Variants in DSCAML1 observed in about 807,000 individuals in gnomAD.
The protein encoded by DSCAML1 is cell adhesion molecule DSCAML1.
In DSCAML1, 38 loss-of-function variants were observed where a neutral mutation model predicts 200.5. The ratio of observed to expected loss-of-function variants is 0.19; its 90% CI spans 0.15 to 0.25. The LOEUF is 0.25. DSCAML1 is among the 10% of genes least tolerant of loss of function. The pLI, the probability that DSCAML1 is intolerant of heterozygous loss-of-function variation, is 1.00. For missense variants in DSCAML1, 2,223 were observed against 2,858.8 expected (o/e 0.78, Z 5.07); for synonymous variants, 1,215 against 1,165.0 (o/e 1.04, Z -0.87).
At chr11:117,610,548 C>T (rs553217198) in intron 3 of DSCAML1, among the ~76,000 whole-genome samples, 7 of 152,128 alleles carry the variant, frequency 4.6e-5, no homozygotes, top group Non-Finnish European at 7.4e-5. Context: ...TGAGAACAGA[C>T]GGTGGGGAGG....
chr11:117,739,141 C>A (rs1282552304), intron 3 of DSCAML1, among the ~76,000 whole-genome samples: 1 of 152,122 alleles, frequency 6.6e-6, no homozygotes, highest in Non-Finnish European at 1.5e-5. Flanking sequence ...AGAAAGAAAA[C>A]TAAGCCTCAG....
intron 3 of DSCAML1, among the ~76,000 whole-genome samples, chr11:117,738,184 CA>C (rs1333111512): frequency 6.6e-6 from 1 of 152,142 alleles, no homozygotes; most frequent in East Asian, 1.9e-4. Flanking sequence ...TTTCAAATGG[CA>C]CCAATTCATT....
intron 3 of DSCAML1, among the ~76,000 whole-genome samples, chr11:117,625,303 C>G (rs1333989408): frequency 6.6e-6 from 1 of 152,120 alleles, no homozygotes; most frequent in East Asian, 1.9e-4. Flanking sequence ...ACCTGCAGCT[C>G]CTTCGCAGGG....
chr11:117,608,634 A>G (rs2137525428), intron 3 of DSCAML1, among the ~76,000 whole-genome samples: 1 of 152,372 alleles, frequency 6.6e-6, no homozygotes, highest in South Asian at 2.1e-4. Flanking sequence ...ATGTATTTAA[A>G]TAATTCCCCA....
At chr11:117,466,625 C>T (rs1272670364) in intron 16 of DSCAML1, among the ~76,000 whole-genome samples, 2 of 152,056 alleles carry the variant, frequency 1.3e-5, no homozygotes, top group Non-Finnish European at 2.9e-5. Flanking sequence ...CGCTTGAACC[C>T]GGGAGGCGGA....
In DSCAML1 at chr11:117,518,562, C is replaced by T. The variant is rs748297167; in HGVS notation, c.1414G>A (p.Val472Ile). The T allele has an allele frequency of 8.7e-6, 14 of 1,614,064 alleles. No homozygotes were observed. The East Asian group carries it at 1.3e-4, about 15-fold the overall frequency. ...CCGTCGCGGATCTGGGGGCCTGTGA[C>T]GTTCATGTGGCTGATGGTGGTGCCG... ...SDGTTISHMN[V>I]TGPQIRDGGV... The change falls in exon 7 of 33, where the codon GTC (valine) becomes ATC (isoleucine). Residue 472 changes from valine (V) to isoleucine (I), a missense_variant. Val to Ile is a conservative substitution (Grantham distance 29, BLOSUM62 3). Transcript: ENST00000651296. The surrounding 1 kb of genome is among the most constrained non-coding windows in gnomAD (Gnocchi z 6.3).
At position 117,780,900 on chromosome 11, in the gene DSCAML1, T is replaced by C. The variant is rs980176755; in HGVS notation, c.47-90A>G. The stretch of plus-strand genomic sequence containing the variant: ...GGAGGCTTGCGACAGGCTGCACTCA[T>C]TCACCTGACCTTCAAGCATCAGTCA... On this transcript the variant is annotated intron_variant, in intron 1 of 32. Transcript: ENST00000651296. The surrounding 1 kb of genome is among the most constrained non-coding windows in gnomAD (Gnocchi z 4.8). 2 of 1,056,182 alleles carry C rather than the reference T, an allele frequency of 1.9e-6. No homozygotes were observed. Among genetic ancestry groups the C allele is most frequent in the African/African-American group, 3.3e-5 (2 of 60,816 alleles). The allele number at this position is 1,056,182 out of a possible 1,614,324, so 65.4% of individuals were successfully genotyped here. A position where few individuals can be genotyped will look rare whatever the true frequency, so the allele number is the denominator to read the frequency against.
intron 6 of DSCAML1, among the ~76,000 whole-genome samples, chr11:117,520,868 T>G (rs1238812920): frequency 6.6e-6 from 1 of 152,088 alleles, no homozygotes. Context: ...AGGTTGAGGC[T>G]GCAGTGAGCT....
chr11:117,505,471 C>T lies in DSCAML1; in HGVS notation c.2045G>A (p.Arg682His), dbSNP rs1186138513. The T allele has an allele frequency of 1.2e-6, 2 of 1,611,004 alleles. No individual in the cohort carries two copies. Among genetic ancestry groups the T allele is most frequent in the Admixed American group, 1.7e-5 (1 of 60,002 alleles). The change falls in exon 9 of 33, where the codon CGC becomes CAC. Residue 682 changes from arginine to histidine, a missense_variant. Around this residue, in one of 7 missense-constraint regions of DSCAML1, gnomAD observed 212 missense variants for 368.0 expected, o/e 0.58. Coordinates refer to ENST00000651296, the MANE Select transcript of DSCAML1 (RefSeq NM_020693.4). This position sits in a 1 kb window ranked among gnomAD's most constrained non-coding sequence, Gnocchi z 6.7. ...SNAAATVSRE[R>H]QLIVRVPPRF... ...CTGCTCACCACGCACGATGAGCTGG[C>T]GCTCCCGGCTCACGGTGGCGGCTGC...
intron 19 of DSCAML1, among the ~76,000 whole-genome samples, chr11:117,454,922 G>C (rs1565696055): frequency 6.6e-6 from 1 of 152,218 alleles, no homozygotes; most frequent in African/African-American, 2.4e-5. Flanking sequence ...TCACCAGACA[G>C]ACCCCCACAT....
intron 3 of DSCAML1, among the ~76,000 whole-genome samples, chr11:117,745,536 C>T (rs2054503294): frequency 6.6e-6 from 1 of 152,166 alleles, no homozygotes; most frequent in South Asian, 2.1e-4. Context: ...CCTAGTCTCA[C>T]CGACCTACAG....
intron 3 of DSCAML1, among the ~76,000 whole-genome samples, chr11:117,537,632 T>C (rs2050193644): frequency 6.6e-6 from 1 of 152,128 alleles, no homozygotes; most frequent in East Asian, 1.9e-4. Flanking sequence ...TGTAATCAAG[T>C]TTAAATGGGG....
At chr11:117,738,522 G>C (rs2054364545) in intron 3 of DSCAML1, among the ~76,000 whole-genome samples, 1 of 152,088 alleles carries the variant, frequency 6.6e-6, no homozygotes, top group South Asian at 2.1e-4. Flanking sequence ...ATGCACATTT[G>C]TTCCCATGCA....
At chr11:117,443,748 G>T in intron 21 of DSCAML1, 138 bp downstream of exon 21, 1 of 1,222,786 alleles carries the variant, frequency 8.2e-7, no homozygotes. Context: ...TGTGCGGGAG[G>T]CAGGCGGGTG....
chr11:117,633,118 C>G (rs905107512), intron 3 of DSCAML1, among the ~76,000 whole-genome samples: 5 of 152,132 alleles, frequency 3.3e-5, no homozygotes, highest in African/African-American at 1.2e-4. Flanking sequence ...TCTCTGTCAT[C>G]TGGAATTTGG....
At chr11:117,613,152 C>T (rs1462439953) in intron 3 of DSCAML1, among the ~76,000 whole-genome samples, 5 of 151,882 alleles carry the variant, frequency 3.3e-5, no homozygotes, top group African/African-American at 1.2e-4. Context: ...CTTAAAGGGA[C>T]CCTTGATGTC....
At chr11:117,548,959 G>A (rs1436902852) in intron 3 of DSCAML1, among the ~76,000 whole-genome samples, 1 of 152,146 alleles carries the variant, frequency 6.6e-6, no homozygotes, top group African/African-American at 2.4e-5. Flanking sequence ...ACACAGACAA[G>A]GAGAAAACGG....
In DSCAML1 at chr11:117,428,619, G is replaced by A; in HGVS notation, c.5871C>T (p.His1957=). 2 of 1,609,250 alleles carry A rather than the reference G, an allele frequency of 1.2e-6. No individual in the cohort carries two copies. The highest frequency in any genetic ancestry group is 1.3e-5 in the African/African-American group (1 of 74,988). ...TGGAGGCGGCAGCGGGGGCCCCTGG[G>A]TGGGGAAGGCCCAAGGACTTGCTGG... ...DPASKSLGLP[H]PGAPAAASTA... is the part of the protein sequence containing the mutation. Residue 1957 remains histidine (H), a synonymous_variant, in exon 33 of 33, where the codon CAC becomes CAT. Coordinates refer to ENST00000651296, the MANE Select transcript of DSCAML1 (RefSeq NM_020693.4).
chr11:117,738,414 A>T (rs2054361377), intron 3 of DSCAML1, among the ~76,000 whole-genome samples: 1 of 151,990 alleles, frequency 6.6e-6, no homozygotes, highest in Non-Finnish European at 1.5e-5. Context: ...TGCTGACGTC[A>T]GCCAGACCCC....
Sources: gnomAD v4.1 joint callset for allele counts (sites outside exome capture counted in the v4.1 genomes callset) on GRCh38, gnomAD v4.1.1 for gene constraint, gnomAD v4.1.1 regional missense constraint, Gnocchi (gnomAD v3.1) non-coding constraint, MANE v1.5 for transcripts, NCBI Gene and HGNC (gene_info 2026-07-23, HGNC 2026-07-21) for gene names.